SLC4A5: variants seen among roughly 807,000 people sequenced by gnomAD.
SLC4A5 encodes solute carrier family 4 member 5.
SLC4A5 carries 96 observed loss-of-function variants against 120.4 expected under a neutral mutation model. The observed-to-expected ratio is 0.80, with a 90% CI of 0.68 to 0.94. The LOEUF is 0.94. Ranked by LOEUF, SLC4A5 falls within the 40% of genes least tolerant of loss-of-function variation. The pLI is 0.00. For synonymous variants in SLC4A5, 550 were observed against 571.1 expected, an observed-to-expected ratio of 0.96 and a Z score of 0.53; for missense variants, 1,259 against 1,459.5, an observed-to-expected ratio of 0.86 and a Z score of 2.24.
At chr2:74,293,725 T>C (rs1399305756) in intron 7 of SLC4A5, among the ~76,000 whole-genome samples, 1 of 152,126 alleles carries the variant, frequency 6.6e-6, no homozygotes, top group Admixed American at 6.5e-5. Context: ...ATAAACAATC[T>C]CTCCCCACAC....
At chr2:74,277,920 A>AC (rs979115595) in intron 8 of SLC4A5, among the ~76,000 whole-genome samples, 12 of 150,974 alleles carry the variant, frequency 7.9e-5, no homozygotes, top group African/African-American at 2.7e-4. Flanking sequence ...GCAAACAACA[A>AC]AAAAAAAATC....
At chr2:74,233,881 C>G (rs554856598) in intron 22 of SLC4A5, among the ~76,000 whole-genome samples, 2 of 152,312 alleles carry the variant, frequency 1.3e-5, no homozygotes, top group East Asian at 3.9e-4. Context: ...AAATAACAAA[C>G]AGCAGGAATG....
At chr2:74,312,799 G>A (rs781206989) in intron 6 of SLC4A5, among the ~76,000 whole-genome samples, 1 of 152,018 alleles carries the variant, frequency 6.6e-6, no homozygotes, top group Non-Finnish European at 1.5e-5. Context: ...CCAGCGTGGT[G>A]GTGGGCACCT....
intron 16 of SLC4A5, among the ~76,000 whole-genome samples, chr2:74,250,963 G>T (rs1203367652): frequency 6.6e-6 from 1 of 152,192 alleles, no homozygotes; most frequent in African/African-American, 2.4e-5. Flanking sequence ...TAACTGGTTG[G>T]TATTTGTTTG....
chr2:74,266,682 C>T (rs1558886181), intron 8 of SLC4A5, among the ~76,000 whole-genome samples: 1 of 151,968 alleles, frequency 6.6e-6, no homozygotes, highest in Non-Finnish European at 1.5e-5. Context: ...AGATTAAAGT[C>T]TAAAGATAAA....
exon 27 of SLC4A5, chr2:74,227,021 A>T: frequency 6.2e-7 from 1 of 1,614,148 alleles, no homozygotes; most frequent in Non-Finnish European, 8.5e-7. Flanking sequence ...CAGGCAGAGG[A>T]TCTGCACCAG....
At chr2:74,336,630 A>T (rs1267674179) in intron 3 of SLC4A5, among the ~76,000 whole-genome samples, 3 of 152,314 alleles carry the variant, frequency 2.0e-5, no homozygotes, top group African/African-American at 7.2e-5. Flanking sequence ...AAGCTTAGAG[A>T]GGATAACATA....
chr2:74,336,779 A>G (rs1673501398), intron 3 of SLC4A5, among the ~76,000 whole-genome samples: 1 of 152,208 alleles, frequency 6.6e-6, no homozygotes, highest in African/African-American at 2.4e-5. Context: ...AGATATTTTT[A>G]TATGCCTTGC....
At chr2:74,310,239 T>C (rs1237737903) in intron 6 of SLC4A5, among the ~76,000 whole-genome samples, 2 of 152,216 alleles carry the variant, frequency 1.3e-5, no homozygotes, top group Non-Finnish European at 2.9e-5. Flanking sequence ...AGTTATATCA[T>C]CTGTGAACAA....
At chr2:74,284,165 T>TAAATATTAA (rs1329044141) in intron 8 of SLC4A5, among the ~76,000 whole-genome samples, 1 of 63,554 alleles carries the variant, frequency 1.6e-5, no homozygotes, top group Non-Finnish European at 2.4e-5. Context: ...CTTATTTCTT[T>TAAATATTAA]TTTTTTTTTT....
At chr2:74,267,986 A>ATT (rs749084577) in intron 8 of SLC4A5, among the ~76,000 whole-genome samples, 4 of 144,808 alleles carry the variant, frequency 2.8e-5, no homozygotes, top group African/African-American at 7.6e-5. Context: ...GTCCGTCTAC[A>ATT]TTTTTTTTTT....
intron 8 of SLC4A5, 53 bp downstream of exon 8, chr2:74,285,715 GCAAGC>G (rs2104169606): frequency 1.3e-6 from 2 of 1,586,570 alleles, no homozygotes; most frequent in Admixed American, 1.7e-5. Flanking sequence ...GGAGGGTCAG[GCAAGC>G]CCAGGCTGTG....
intron 19 of SLC4A5, among the ~76,000 whole-genome samples, chr2:74,244,992 G>A (rs954752225): frequency 6.6e-6 from 1 of 152,056 alleles, no homozygotes; most frequent in Non-Finnish European, 1.5e-5. Context: ...AGAGCACCCC[G>A]GGTTTGTTTT....
intron 25 of SLC4A5, among the ~76,000 whole-genome samples, chr2:74,228,638 C>T (rs1694934999): frequency 6.6e-6 from 1 of 151,296 alleles, no homozygotes; most frequent in South Asian, 2.1e-4. Flanking sequence ...AAAAACCAAA[C>T]AAAGCAAACA....
In SLC4A5 at chr2:74,229,550, C is replaced by G. The variant is rs112710515; in HGVS notation, c.2848-1672G>C. On this transcript the variant is annotated intron_variant, in intron 25 of 30. Transcript: ENST00000394019. ...GGATTACAGGCTTGAGCCACCACAC[C>G]CAGCCTGATTCGAGCTTTTTAATGC... Among the ~76,000 whole-genome samples the G allele has an allele frequency of 1.5e-4, 23 of 152,246 alleles. 1 individual carries two copies. In the East Asian group the frequency reaches 3.9e-3, roughly 26 times the overall value.
At chr2:74,304,446 C>A in intron 7 of SLC4A5, 43 bp downstream of exon 7, 1 of 1,562,996 alleles carries the variant, frequency 6.4e-7, no homozygotes, top group Non-Finnish European at 8.7e-7. Flanking sequence ...TCTGGACACA[C>A]CAGCAGGATG....
chr2:74,295,045 G>T (rs1432382312), intron 7 of SLC4A5, among the ~76,000 whole-genome samples: 1 of 152,156 alleles, frequency 6.6e-6, no homozygotes, highest in Non-Finnish European at 1.5e-5. Flanking sequence ...CACATTATGA[G>T]TCCAGTTGGG....
At chr2:74,329,939 GGAGA>G in intron 4 of SLC4A5, among the ~76,000 whole-genome samples, 1 of 151,808 alleles carries the variant, frequency 6.6e-6, no homozygotes, top group African/African-American at 2.4e-5. Flanking sequence ...GGTGTGAGGT[GGAGA>G]TGGAGATGGT....
At chr2:74,304,568 G>A (rs1672578282) in exon 7 of SLC4A5, 6 of 1,614,174 alleles carry the variant, frequency 3.7e-6, no homozygotes, top group South Asian at 1.1e-5. Context: ...GCTGTGGCTG[G>A]TCTGGCCGCA....
Sources: gnomAD v4.1 joint callset for allele counts (sites outside exome capture counted in the v4.1 genomes callset) on GRCh38, gnomAD v4.1.1 for gene constraint, MANE v1.5 for transcripts, NCBI Gene and HGNC (gene_info 2026-07-23, HGNC 2026-07-21) for gene names.